The following TRPM3 variants were observed in gnomAD, a reference collection of about 807,000 sequenced individuals.
TRPM3 encodes the protein long transient receptor potential channel 3.
In TRPM3, 77 loss-of-function variants were observed where a neutral mutation model predicts 181.2. That is an observed-to-expected ratio of 0.42 (90% CI 0.35 to 0.51). The LOEUF (loss-of-function observed/expected upper bound fraction) is 0.51. Among genes scored for constraint, TRPM3 ranks in the 20% least tolerant of loss-of-function variants. TRPM3 has a pLI of 0.01. For synonymous variants in TRPM3, 745 were observed against 796.4 expected (o/e 0.94, Z 1.09); for missense variants, 1,759 against 2,196.7 (o/e 0.80, Z 3.98).
At chr9:71,308,976 T>C (rs995269805) in intron 1 of TRPM3, among the ~76,000 whole-genome samples, 1 of 152,138 alleles carries the variant, frequency 6.6e-6, no homozygotes, top group East Asian at 1.9e-4. Context: ...AGTTTTCCAT[T>C]GGGTAGAATC....
rs139878638 is a variant in TRPM3, at chr9:71,001,363, A to G, written c.177+119815T>C. Among the ~76,000 whole-genome samples, 443 of 152,320 alleles carry G rather than the reference A, an allele frequency of 2.9e-3. 4 individuals carry two copies. Among genetic ancestry groups the G allele is most frequent in the African/African-American group, 0.01 (420 of 41,570 alleles). On this transcript the variant is annotated intron_variant, in intron 1 of 25. Transcript: ENST00000677713. ...TAAAGATACAGAAAGAGACATACAC[A>G]TGTACCATTTTCCCTCAGGTTTTTG...
intron 22 of TRPM3, among the ~76,000 whole-genome samples, chr9:70,576,172 GT>G (rs1444388661): frequency 6.6e-6 from 1 of 152,152 alleles, no homozygotes; most frequent in Non-Finnish European, 1.5e-5. Flanking sequence ...TCCATGATGG[GT>G]GATTTTGAGA....
intron 1 of TRPM3, among the ~76,000 whole-genome samples, chr9:70,960,636 C>T (rs768288917): frequency 6.6e-6 from 1 of 152,108 alleles, no homozygotes; most frequent in Non-Finnish European, 1.5e-5. Context: ...TTTCCCATGG[C>T]GAAGCAAATA....
intron 1 of TRPM3, among the ~76,000 whole-genome samples, chr9:71,118,121 A>C (rs1309044286): frequency 6.6e-6 from 1 of 152,202 alleles, no homozygotes; most frequent in Non-Finnish European, 1.5e-5. Flanking sequence ...AACAGAAGAG[A>C]AATGATGTAG....
intron 1 of TRPM3, among the ~76,000 whole-genome samples, chr9:71,250,182 C>A (rs990217547): frequency 4.6e-5 from 7 of 152,042 alleles, no homozygotes; most frequent in African/African-American, 1.7e-4. Flanking sequence ...TTTTAGGGAA[C>A]TTTTTTTCAT....
chr9:71,242,885 T>C (rs2081798330), intron 1 of TRPM3, among the ~76,000 whole-genome samples: 1 of 152,200 alleles, frequency 6.6e-6, no homozygotes, highest in African/African-American at 2.4e-5. Context: ...CAAAGTAAAA[T>C]GCATGCTGCT....
In TRPM3 at chr9:70,738,712, T is replaced by C. The variant is rs535160192; in HGVS notation, c.1272+22889A>G. Among the ~76,000 whole-genome samples the C allele has an allele frequency of 7.6e-4, 116 of 152,266 alleles. 2 individuals carry two copies. The South Asian group carries it at 0.024, about 32-fold the overall frequency. ...ACAAAAAGCTAGTTCTTTGAAAAGATAAACAAAATTGACATACTATCAGTG... is the reference window on the plus strand; with the variant it reads ...ACAAAAAGCTAGTTCTTTGAAAAGACAAACAAAATTGACATACTATCAGTG... On this transcript the variant is annotated intron_variant, in intron 8 of 25. Coordinates refer to ENST00000677713, the MANE Select transcript of TRPM3 (RefSeq NM_001366145.2).
At chr9:70,928,639 C>T (rs887648444) in intron 1 of TRPM3, among the ~76,000 whole-genome samples, 5 of 152,102 alleles carry the variant, frequency 3.3e-5, no homozygotes, top group Admixed American at 2.0e-4. Flanking sequence ...TGAACATTTT[C>T]GACTGGATTC....
chr9:70,745,965 T>C (rs1020882189), intron 8 of TRPM3, among the ~76,000 whole-genome samples: 1 of 152,170 alleles, frequency 6.6e-6, no homozygotes, highest in African/African-American at 2.4e-5. Context: ...GTCCCTGTAG[T>C]TATATGTAGA....
chr9:71,272,041 T>C (rs888932993), intron 1 of TRPM3, among the ~76,000 whole-genome samples: 6 of 152,200 alleles, frequency 3.9e-5, no homozygotes, highest in African/African-American at 1.4e-4. Flanking sequence ...AGGGGGTATA[T>C]TTTAATTCAC....
intron 1 of TRPM3, among the ~76,000 whole-genome samples, chr9:71,405,131 C>T (rs536293831): frequency 2.0e-5 from 3 of 152,260 alleles, no homozygotes; most frequent in East Asian, 1.9e-4. Flanking sequence ...TTGCCTCATA[C>T]GAATTATCAG....
chr9:71,420,665 A>AAGAGAGAAAGAAAGAGAAAGGGAAAG, intron 1 of TRPM3, among the ~76,000 whole-genome samples: 1 of 124,306 alleles, frequency 8.0e-6, no homozygotes, highest in Non-Finnish European at 1.7e-5. Context: ...GAAAAAGAGA[A>AAGAGAGAAAGAAAGAGAAAGGGAAAG]AGAAAGAGAG....
chr9:71,170,540 A>C (rs988225783), intron 1 of TRPM3, among the ~76,000 whole-genome samples: 2 of 152,230 alleles, frequency 1.3e-5, no homozygotes, highest in African/African-American at 4.8e-5. Flanking sequence ...AAGCCATGGC[A>C]GAAGAAGATT....
At chr9:70,898,768 A>AAAAGAAAAGAAAAG (rs2096336219) in intron 1 of TRPM3, among the ~76,000 whole-genome samples, 1 of 138,574 alleles carries the variant, frequency 7.2e-6, no homozygotes, top group African/African-American at 2.7e-5. Context: ...AAAAAAAAAG[A>AAAAGAAAAGAAAAG]AAAGAAAAGA....
At chr9:70,926,226 C>G (rs2096720205) in intron 1 of TRPM3, among the ~76,000 whole-genome samples, 1 of 152,086 alleles carries the variant, frequency 6.6e-6, no homozygotes, top group African/African-American at 2.4e-5. Context: ...AATTATAAAT[C>G]TGAGCTTGGA....
chr9:70,701,814 A>C (rs2072664060), intron 8 of TRPM3, among the ~76,000 whole-genome samples: 1 of 152,186 alleles, frequency 6.6e-6, no homozygotes, highest in Non-Finnish European at 1.5e-5. Flanking sequence ...ACAGTAATGA[A>C]AGCAACTGCA....
chr9:71,004,152 T>C (rs796800258), intron 1 of TRPM3, among the ~76,000 whole-genome samples: 7 of 152,320 alleles, frequency 4.6e-5, no homozygotes, highest in African/African-American at 1.7e-4. Flanking sequence ...CCCTATGCTC[T>C]GATCAGTGGA....
At position 70,531,928 on chromosome 9, in the gene TRPM3, A is replaced by G. The variant is rs539177912; in HGVS notation, c.*4025T>C. 3 of 151,692 alleles carry G rather than the reference A, an allele frequency of 2.0e-5. No homozygotes were observed. In the East Asian group the frequency reaches 5.8e-4, roughly 29 times the overall value. The allele number at this position is 151,692 out of a possible 1,614,324, so 9.4% of individuals were successfully genotyped here. On this transcript the variant is annotated 3_prime_UTR_variant, in exon 26 of 26. Coordinates refer to ENST00000677713, the MANE Select transcript of TRPM3 (RefSeq NM_001366145.2). ...AAAATGCCCGGTTCACAAAGATGCT[A>G]AATAACATGGAATTGGGAACATAAT... is the stretch of plus-strand genomic sequence containing the variant.
At chr9:71,146,116 T>C (rs977273169) in intron 1 of TRPM3, among the ~76,000 whole-genome samples, 16 of 152,314 alleles carry the variant, frequency 1.1e-4, no homozygotes, top group African/African-American at 3.8e-4. Context: ...TTTGTGTATT[T>C]GGAAGAATGG....
Sources: allele counts gnomAD v4.1 joint callset (sites outside exome capture counted in the v4.1 genomes callset), GRCh38; gene constraint gnomAD v4.1.1; transcripts MANE v1.5; gene names NCBI Gene and HGNC (gene_info 2026-07-23, HGNC 2026-07-21).